GRM8: variants seen among roughly 807,000 people sequenced by gnomAD.
GRM8 encodes the protein metabotropic glutamate receptor 8.
A neutral mutation model predicts 87.2 loss-of-function variants in GRM8; 47 were observed. The observed-to-expected ratio is 0.54, with a 90% CI of 0.43 to 0.69. The LOEUF (loss-of-function observed/expected upper bound fraction) is 0.69, where lower values mean the gene tolerates loss of function less well. Among genes scored for constraint, GRM8 ranks in the 30% least tolerant of loss-of-function variants. The pLI, the probability that GRM8 is intolerant of heterozygous loss-of-function variation, is 0.00. For missense variants in GRM8, 1,019 were observed against 1,139.2 expected (o/e 0.89, Z 1.52); for synonymous variants, 396 against 404.5 (o/e 0.98, Z 0.25).
chr7:126,852,701 T>C (rs1306490856), intron 6 of GRM8, among the ~76,000 whole-genome samples: 2 of 152,182 alleles, frequency 1.3e-5, no homozygotes, highest in African/African-American at 2.4e-5. Context: ...CAAAATCTAG[T>C]GATGTGTGAC....
intron 3 of GRM8, among the ~76,000 whole-genome samples, chr7:126,913,354 C>A (rs2131306873): frequency 6.6e-6 from 1 of 152,232 alleles, no homozygotes; most frequent in African/African-American, 2.4e-5. Flanking sequence ...TTTTGGTGTA[C>A]AAATAAGCAA....
intron 8 of GRM8, among the ~76,000 whole-genome samples, chr7:126,577,576 G>T (rs1433044136): frequency 6.7e-6 from 1 of 150,356 alleles, no homozygotes; most frequent in Non-Finnish European, 1.5e-5. Context: ...AAAAAAAAAA[G>T]TAGATGTGAC....
chr7:126,967,028 G>T (rs1315213347), intron 3 of GRM8, among the ~76,000 whole-genome samples: 3 of 152,124 alleles, frequency 2.0e-5, no homozygotes, highest in Admixed American at 2.0e-4. Context: ...AAAAAGATAA[G>T]AACTTTGCAT....
intron 3 of GRM8, among the ~76,000 whole-genome samples, chr7:127,041,316 G>A (rs1009833123): frequency 6.6e-5 from 10 of 152,136 alleles, no homozygotes; most frequent in African/African-American, 2.2e-4. Context: ...TTACAATGCC[G>A]GTGCAGGGTA....
chr7:126,566,207 T>C (rs553445265), intron 8 of GRM8, among the ~76,000 whole-genome samples: 1 of 152,274 alleles, frequency 6.6e-6, no homozygotes, highest in Admixed American at 6.5e-5. Context: ...CCAAAAATCT[T>C]CTGCAGAGCA....
chr7:126,920,080 C>A (rs1454968717), intron 3 of GRM8, among the ~76,000 whole-genome samples: 2 of 152,048 alleles, frequency 1.3e-5, no homozygotes, highest in African/African-American at 4.8e-5. Context: ...GTAAGACTCC[C>A]ACATGGGATT....
chr7:126,977,897 A>C (rs887663408), intron 3 of GRM8, among the ~76,000 whole-genome samples: 9 of 152,236 alleles, frequency 5.9e-5, no homozygotes, highest in African/African-American at 1.9e-4. Flanking sequence ...TCTTAAATTA[A>C]TAAAAATAAA....
chr7:127,022,540 G>T (rs1239243379), intron 3 of GRM8, among the ~76,000 whole-genome samples: 1 of 151,980 alleles, frequency 6.6e-6, no homozygotes, highest in African/African-American at 2.4e-5. Context: ...ATGGGGTGGG[G>T]AATGAAGGGA....
At chr7:126,460,164 T>A (rs1459977069) in intron 9 of GRM8, among the ~76,000 whole-genome samples, 1 of 151,588 alleles carries the variant, frequency 6.6e-6, no homozygotes, top group African/African-American at 2.4e-5. Context: ...AATTGGTCAC[T>A]ATCATGTCTG....
chr7:126,827,570 C>G (rs550225518), intron 6 of GRM8, among the ~76,000 whole-genome samples: 13 of 152,234 alleles, frequency 8.5e-5, no homozygotes, highest in African/African-American at 3.1e-4. Flanking sequence ...ATTTTGTATC[C>G]TGAGACTTTG....
rs570211772 is a variant in GRM8, at chr7:126,525,266, G to T, written c.2430+7686C>A. 7.9e-5 allele frequency among the ~76,000 whole-genome samples: 12 copies of T among 152,316 alleles called. No homozygotes were observed. The South Asian group carries it at 2.3e-3, about 29-fold the overall frequency. ...CCAGGAGAAACCTGTTCTAAGAGTT[G>T]AGAAACTTATATTCTTATCCTAGGT... On this transcript the variant is annotated intron_variant, in intron 9 of 10. Coordinates refer to ENST00000339582, the MANE Select transcript of GRM8 (RefSeq NM_000845.3).
intron 3 of GRM8, among the ~76,000 whole-genome samples, chr7:126,959,594 A>C (rs1809096886): frequency 6.6e-6 from 1 of 152,212 alleles, no homozygotes; most frequent in Non-Finnish European, 1.5e-5. Flanking sequence ...TCAAGCAAAA[A>C]GGGCTACCTT....
At chr7:127,076,507 C>T (rs963503655) in intron 3 of GRM8, among the ~76,000 whole-genome samples, 2 of 152,196 alleles carry the variant, frequency 1.3e-5, no homozygotes, top group Non-Finnish European at 2.9e-5. Context: ...GGAGGATTAG[C>T]GCCTGACGTG....
At chr7:126,850,636 C>T (rs1797126470) in intron 6 of GRM8, among the ~76,000 whole-genome samples, 1 of 152,154 alleles carries the variant, frequency 6.6e-6, no homozygotes, top group Non-Finnish European at 1.5e-5. Context: ...CTATGATTAT[C>T]TCAATAAATC....
At chr7:127,053,800 G>C (rs1216697328) in intron 3 of GRM8, among the ~76,000 whole-genome samples, 4 of 136,232 alleles carry the variant, frequency 2.9e-5, no homozygotes, top group East Asian at 4.5e-4. Flanking sequence ...AAAAAAAAAG[G>C]GGGGGGGGAA....
At chr7:127,205,029 C>T (rs1486137749) in intron 2 of GRM8, among the ~76,000 whole-genome samples, 1 of 152,204 alleles carries the variant, frequency 6.6e-6, no homozygotes, top group Non-Finnish European at 1.5e-5. Flanking sequence ...TTTCAATAGC[C>T]TTCGCCTTTT....
At chr7:126,749,851 G>T (rs930794535) in intron 7 of GRM8, among the ~76,000 whole-genome samples, 5 of 152,112 alleles carry the variant, frequency 3.3e-5, no homozygotes, top group Non-Finnish European at 7.4e-5. Flanking sequence ...AAGTGTTGGA[G>T]AGGAGTACAG....
chr7:126,556,337 T>TAAAAAAAAA (rs3038820), intron 8 of GRM8, among the ~76,000 whole-genome samples: 1 of 111,318 alleles, frequency 9.0e-6, no homozygotes, highest in African/African-American at 3.4e-5. Flanking sequence ...TTCTCCTCTT[T>TAAAAAAAAA]AAAAAAAAAA....
intron 3 of GRM8, among the ~76,000 whole-genome samples, chr7:126,950,898 C>A (rs184248563): frequency 1.3e-5 from 2 of 150,892 alleles, no homozygotes; most frequent in East Asian, 3.9e-4. Flanking sequence ...GCAGCAGCTA[C>A]ATGTAGCAGC....
Sources: allele counts gnomAD v4.1 joint callset (sites outside exome capture counted in the v4.1 genomes callset), GRCh38; gene constraint gnomAD v4.1.1; transcripts MANE v1.5; gene names NCBI Gene and HGNC (gene_info 2026-07-23, HGNC 2026-07-21).